Variants in TEK observed in about 807,000 individuals in gnomAD.
The protein encoded by TEK is angiopoietin-1 receptor.
A neutral mutation model predicts 131.8 loss-of-function variants in TEK; 43 were observed. The ratio of observed to expected loss-of-function variants is 0.33; its 90% CI spans 0.26 to 0.42. The LOEUF is 0.42. Ranked by LOEUF, TEK falls within the 10% of genes least tolerant of loss-of-function variation. The pLI, the probability that TEK is intolerant of heterozygous loss-of-function variation, is 1.00. For missense variants in TEK, 1,162 were observed against 1,384.4 expected (o/e 0.84, Z 2.55); for synonymous variants, 580 against 491.6 (o/e 1.18, Z -2.38).
At chr9:27,118,830 T>A (rs539286250) in intron 1 of TEK, among the ~76,000 whole-genome samples, 2 of 152,162 alleles carry the variant, frequency 1.3e-5, no homozygotes, top group African/African-American at 2.4e-5. Flanking sequence ...CCAGTTAGAC[T>A]CTTTCCCTGG....
intron 20 of TEK, 126 bp downstream of exon 20, chr9:27,218,943 AATAG>A: frequency 2.1e-6 from 2 of 950,712 alleles, no homozygotes; most frequent in Non-Finnish European, 1.7e-6. Context: ...GTGACTTGGA[AATAG>A]AAACATAGTG....
chr9:27,128,856 A>C (rs942523992), intron 1 of TEK, among the ~76,000 whole-genome samples: 2 of 152,188 alleles, frequency 1.3e-5, no homozygotes, highest in African/African-American at 4.8e-5. Flanking sequence ...GAATTTGCTT[A>C]TCAGCTTGAG....
At chr9:27,180,096 TG>T in intron 6 of TEK, 143 bp from the exon 7 acceptor site, 1 of 1,205,074 alleles carries the variant, frequency 8.3e-7, no homozygotes, top group Non-Finnish European at 1.2e-6. Flanking sequence ...TTTAAGTTCC[TG>T]GTAATTCAGA....
At chr9:27,120,247 T>G (rs570939888) in intron 1 of TEK, among the ~76,000 whole-genome samples, 1 of 152,224 alleles carries the variant, frequency 6.6e-6, no homozygotes, top group South Asian at 2.1e-4. Context: ...CCAGACTCTT[T>G]GCAGTTTCCA....
intron 1 of TEK, among the ~76,000 whole-genome samples, chr9:27,137,781 A>C (rs1477217838): frequency 6.6e-6 from 1 of 151,896 alleles, no homozygotes; most frequent in Non-Finnish European, 1.5e-5. Context: ...TAGACTTCTC[A>C]TTTTTCTCTT....
intron 2 of TEK, among the ~76,000 whole-genome samples, chr9:27,160,856 G>T (rs972568044): frequency 6.6e-6 from 1 of 152,204 alleles, no homozygotes; most frequent in African/African-American, 2.4e-5. Flanking sequence ...ACAAAGGGAT[G>T]TGAGGTGTGC....
chr9:27,129,582 A>G lies in TEK; in HGVS notation c.52+19940A>G, dbSNP rs1295257311. 4.6e-5 allele frequency among the ~76,000 whole-genome samples: 7 copies of G among 152,178 alleles called. No homozygotes were observed. The South Asian group carries it at 8.3e-4, about 18-fold the overall frequency. ...AGGAGCTCTGTATTGTTACTCAAGC[A>G]TGGCTTTCAGTTTTTACTCCATCCT... On this transcript the variant is annotated intron_variant, in intron 1 of 22. Coordinates refer to ENST00000380036, the MANE Select transcript of TEK (RefSeq NM_000459.5).
Position 27,203,042 on chromosome 9 carries a change from A to C in TEK, c.2132A>C (p.Asp711Ala). 1 of 1,614,156 alleles carries C rather than the reference A, an allele frequency of 6.2e-7. No individual in the cohort carries two copies. Among genetic ancestry groups the C allele is most frequent in the Non-Finnish European group, 8.5e-7 (1 of 1,179,988 alleles). The stretch of plus-strand genomic sequence containing the variant: ...GAGCCTGAAACAGCATACCAGGTGG[A>C]CATTTTTGCAGAGAACAACATAGGG... ...GLEPETAYQV[D>A]IFAENNIGSS... is the part of the protein sequence containing the mutation. Residue 711 changes from aspartate (D) to alanine (A), a missense_variant, in exon 13 of 23, where the codon GAC (aspartate) becomes GCC (alanine). By Grantham distance (126) the Asp-to-Ala change is moderately radical. Transcript: ENST00000380036.
chr9:27,124,363 G>A (rs1316399306), intron 1 of TEK, among the ~76,000 whole-genome samples: 3 of 152,344 alleles, frequency 2.0e-5, no homozygotes, highest in South Asian at 4.1e-4. Context: ...AGGTATGTGG[G>A]TTTCCTGGAT....
At chr9:27,173,120 G>C (rs974426789) in intron 5 of TEK, 102 bp from the exon 6 acceptor site, 71 of 1,482,068 alleles carry the variant, frequency 4.8e-5, no homozygotes, top group Non-Finnish European at 6.5e-6. Flanking sequence ...AGATTTGACT[G>C]TTTCCCATAT....
chr9:27,199,445 G>A (rs910233649), intron 12 of TEK, among the ~76,000 whole-genome samples: 3 of 152,114 alleles, frequency 2.0e-5, no homozygotes, highest in South Asian at 2.1e-4. Flanking sequence ...TAGTCAGTGT[G>A]TACTATGTTC....
intron 21 of TEK, among the ~76,000 whole-genome samples, chr9:27,220,951 G>GGGGGCTGAAGC (rs1164758738): frequency 6.6e-6 from 1 of 152,224 alleles, no homozygotes; most frequent in Admixed American, 6.5e-5. Flanking sequence ...CCCCTGGAAA[G>GGGGGCTGAAGC]GGGGCTGAAG....
chr9:27,212,009 G>C (rs544553063), intron 16 of TEK, among the ~76,000 whole-genome samples: 1 of 115,624 alleles, frequency 8.6e-6, no homozygotes, highest in Non-Finnish European at 1.8e-5. Flanking sequence ...AAAAAAGAGA[G>C]AGAGAAATGA....
At chr9:27,145,508 C>T (rs1188803819) in intron 1 of TEK, among the ~76,000 whole-genome samples, 1 of 152,172 alleles carries the variant, frequency 6.6e-6, no homozygotes, top group African/African-American at 2.4e-5. Flanking sequence ...TGGCTTTGTG[C>T]CATGATAATA....
At chr9:27,226,684 T>C (rs116891173) in intron 21 of TEK, among the ~76,000 whole-genome samples, 8,296 of 152,240 alleles carry the variant, frequency 0.054, 387 homozygotes, top group Admixed American at 0.15. Context: ...GTAACAAACC[T>C]GCATGTTCTC....
At chr9:27,111,631 G>C (rs1400048985) in intron 1 of TEK, among the ~76,000 whole-genome samples, 1 of 151,652 alleles carries the variant, frequency 6.6e-6, no homozygotes, top group Non-Finnish European at 1.5e-5. Flanking sequence ...GCTCTCAGAA[G>C]CTCCTTACAA....
At chr9:27,148,091 A>G (rs750958989) in intron 1 of TEK, among the ~76,000 whole-genome samples, 8 of 152,270 alleles carry the variant, frequency 5.3e-5, no homozygotes, top group Non-Finnish European at 1.2e-4. Context: ...AGTACCTGAC[A>G]TAATAAGTGA....
rs1821509239 is a variant in TEK, at chr9:27,115,326, C to A, written c.52+5684C>A. On this transcript the variant is annotated intron_variant, in intron 1 of 22. Coordinates refer to ENST00000380036, the MANE Select transcript of TEK (RefSeq NM_000459.5). ...TCAGCCTGGGCAACGTGGCAAAACC[C>A]CATCTCTACAAAAAATACAAAAATT... 2.0e-5 allele frequency among the ~76,000 whole-genome samples: 3 copies of A among 151,958 alleles called. No individual in the cohort carries two copies. The South Asian group carries it at 6.2e-4, about 32-fold the overall frequency.
intron 9 of TEK, among the ~76,000 whole-genome samples, chr9:27,187,353 A>G (rs995289706): frequency 6.6e-6 from 1 of 152,240 alleles, no homozygotes; most frequent in African/African-American, 2.4e-5. Context: ...CTTTAACACC[A>G]GTGTACAGAT....
Sources: gnomAD v4.1 joint callset for allele counts (sites outside exome capture counted in the v4.1 genomes callset) on GRCh38, gnomAD v4.1.1 for gene constraint, MANE v1.5 for transcripts, NCBI Gene and HGNC (gene_info 2026-07-23, HGNC 2026-07-21) for gene names.